Variants in MAST4 observed in about 807,000 individuals in gnomAD.
MAST4 encodes microtubule-associated serine/threonine-protein kinase 4.
MAST4 carries 89 observed loss-of-function variants against 162.7 expected under a neutral mutation model. The observed-to-expected ratio is 0.55, with a 90% CI of 0.46 to 0.65. MAST4 has a LOEUF of 0.65. Ranked by LOEUF, MAST4 falls within the 30% of genes least tolerant of loss-of-function variation. The pLI is 0.00. For synonymous variants in MAST4, 1,479 were observed against 1,361.1 expected, an observed-to-expected ratio of 1.09 and a Z score of -1.91; for missense variants, 3,153 against 3,374.0, an observed-to-expected ratio of 0.93 and a Z score of 1.62.
At chr5:66,883,111 C>T (rs1761796825) in intron 3 of MAST4, among the ~76,000 whole-genome samples, 1 of 152,202 alleles carries the variant, frequency 6.6e-6, no homozygotes, top group South Asian at 2.1e-4. Context: ...AATGGGCAAA[C>T]TCTTCAAAGG....
chr5:66,861,129 C>T (rs1258105110), intron 3 of MAST4, among the ~76,000 whole-genome samples: 1 of 152,272 alleles, frequency 6.6e-6, no homozygotes, highest in East Asian at 1.9e-4. Context: ...TGATTTATTT[C>T]GGTGAAGATG....
chr5:67,056,251 C>T (rs1758805262), intron 5 of MAST4, among the ~76,000 whole-genome samples: 1 of 151,948 alleles, frequency 6.6e-6, no homozygotes, highest in Admixed American at 6.6e-5. Context: ...TACATTACTT[C>T]TATTACTACC....
At chr5:66,936,322 T>A (rs1318915527) in intron 4 of MAST4, among the ~76,000 whole-genome samples, 2 of 152,354 alleles carry the variant, frequency 1.3e-5, no homozygotes, top group Non-Finnish European at 2.9e-5. Flanking sequence ...TCTCTTCACC[T>A]GTACAATGGA....
At chr5:66,678,021 G>A (rs559700499) in intron 1 of MAST4, among the ~76,000 whole-genome samples, 40 of 152,258 alleles carry the variant, frequency 2.6e-4, no homozygotes, top group Middle Eastern at 6.8e-3. Context: ...TCTTCTATAG[G>A]AATTGGAAGC....
intron 28 of MAST4, 120 bp downstream of exon 28, chr5:67,162,908 A>G: frequency 8.7e-7 from 1 of 1,148,986 alleles, no homozygotes; most frequent in Non-Finnish European, 1.2e-6. Flanking sequence ...TAAATTATAA[A>G]GACAGATTTA....
At chr5:66,952,664 A>G (rs558106257) in intron 4 of MAST4, among the ~76,000 whole-genome samples, 12 of 152,334 alleles carry the variant, frequency 7.9e-5, no homozygotes, top group African/African-American at 2.4e-4. Flanking sequence ...GATTTGTTCA[A>G]TGACTTCATC....
At chr5:67,160,130 G>A (rs1166638369) in intron 26 of MAST4, among the ~76,000 whole-genome samples, 3 of 152,192 alleles carry the variant, frequency 2.0e-5, no homozygotes, top group Admixed American at 6.5e-5. Flanking sequence ...CCTCAAATGA[G>A]CCCCAGGAGA....
intron 4 of MAST4, among the ~76,000 whole-genome samples, chr5:67,046,832 G>A (rs973931498): frequency 1.3e-5 from 2 of 152,058 alleles, no homozygotes; most frequent in Non-Finnish European, 2.9e-5. Context: ...AGCAGTGTAG[G>A]CAACCATTCA....
chr5:66,985,526 T>A (rs1749382826), intron 4 of MAST4, among the ~76,000 whole-genome samples: 1 of 152,336 alleles, frequency 6.6e-6, no homozygotes, highest in South Asian at 2.1e-4. Context: ...CAAATCAGGT[T>A]TATTTTTAGT....
chr5:67,075,661 A>C (rs1761551336), intron 5 of MAST4, among the ~76,000 whole-genome samples: 1 of 152,184 alleles, frequency 6.6e-6, no homozygotes, highest in Non-Finnish European at 1.5e-5. Flanking sequence ...CAAAATGATA[A>C]ATCTGCTAGC....
At chr5:66,878,230 A>G (rs1243477259) in intron 3 of MAST4, among the ~76,000 whole-genome samples, 1 of 152,218 alleles carries the variant, frequency 6.6e-6, no homozygotes, top group East Asian at 1.9e-4. Context: ...CTGTGGGACA[A>G]CTGTCTTAGA....
intron 1 of MAST4, among the ~76,000 whole-genome samples, chr5:66,660,383 C>T (rs933459544): frequency 2.0e-5 from 3 of 151,640 alleles, no homozygotes; most frequent in African/African-American, 7.3e-5. Context: ...GAAACTCTGT[C>T]TCAAAAATGG....
chr5:67,135,518 T>G (rs943827737), intron 18 of MAST4, among the ~76,000 whole-genome samples: 1 of 152,204 alleles, frequency 6.6e-6, no homozygotes, highest in African/African-American at 2.4e-5. Flanking sequence ...GAAAAATTCA[T>G]TTTGCATATG....
chr5:66,844,147 G>C (rs1758635044), intron 3 of MAST4, among the ~76,000 whole-genome samples: 1 of 28,478 alleles, frequency 3.5e-5, no homozygotes, highest in African/African-American at 1.3e-4. Context: ...GCCTGTGTGT[G>C]TGTGTGTGTG....
chr5:66,615,942 A>G (rs1338719596), intron 1 of MAST4, among the ~76,000 whole-genome samples: 1 of 152,182 alleles, frequency 6.6e-6, no homozygotes, highest in Non-Finnish European at 1.5e-5. Context: ...GGCATTATGC[A>G]AAGGACTGTT....
chr5:66,767,204 T>C (rs964274607), intron 2 of MAST4, among the ~76,000 whole-genome samples: 8 of 151,382 alleles, frequency 5.3e-5, no homozygotes, highest in Admixed American at 1.3e-4. Flanking sequence ...TGTGTGTGTG[T>C]GTGTGTGTGT....
chr5:66,651,068 G>A (rs1454300906), intron 1 of MAST4, among the ~76,000 whole-genome samples: 1 of 152,100 alleles, frequency 6.6e-6, no homozygotes, highest in Non-Finnish European at 1.5e-5. Flanking sequence ...ACATAGTAGA[G>A]CAAAATCTAT....
intron 3 of MAST4, among the ~76,000 whole-genome samples, chr5:66,851,925 G>A (rs1381181329): frequency 6.6e-6 from 1 of 152,044 alleles, no homozygotes; most frequent in African/African-American, 2.4e-5. Flanking sequence ...TCCCCTTATT[G>A]TATAATCTGG....
At chr5:66,954,347 A>G (rs765114893) in intron 4 of MAST4, among the ~76,000 whole-genome samples, 2 of 152,182 alleles carry the variant, frequency 1.3e-5, no homozygotes, top group Non-Finnish European at 2.9e-5. Flanking sequence ...TTGCTCTGAC[A>G]CTGTTTAGTT....
Sources: allele counts gnomAD v4.1 joint callset (sites outside exome capture counted in the v4.1 genomes callset), GRCh38; gene constraint gnomAD v4.1.1; transcripts MANE v1.5; gene names NCBI Gene and HGNC (gene_info 2026-07-23, HGNC 2026-07-21).